The following P2RY6 variants were observed in gnomAD, a reference collection of about 807,000 sequenced individuals.
The protein encoded by P2RY6 is pyrimidinergic receptor P2Y6, also known as P2Y purinoceptor 6.
A neutral mutation model predicts 16.3 loss-of-function variants in P2RY6; 19 were observed. The observed-to-expected ratio is 1.16, with a 90% confidence interval of 0.81 to 1.71. P2RY6 has a LOEUF of 1.71. Ranked by LOEUF, P2RY6 falls within the 40% of genes most tolerant of loss-of-function variation. The pLI is 0.00. For synonymous variants in P2RY6, 184 were observed against 201.5 expected, an observed-to-expected ratio of 0.91 and a Z score of 0.74; for missense variants, 389 against 455.5, an observed-to-expected ratio of 0.85 and a Z score of 1.33.
Position 73,296,544 on chromosome 11 carries a change from AGGCTCTG to A in P2RY6, c.31_37del (p.Leu11CysfsTer31). On this transcript the variant is annotated frameshift_variant, in exon 3 of 3. Transcript: ENST00000540124. LOFTEE classifies it high-confidence loss of function. ...ATGGAATGGGACAATGGCACAGGCC[AGGCTCTG>A]GGCTTGCCACCCACCACCTGTGTCT... The A allele has an allele frequency of 6.2e-7, 1 of 1,614,114 alleles. No homozygotes were observed. Among genetic ancestry groups the A allele is most frequent in the South Asian group, 1.1e-5 (1 of 91,084 alleles).
intron 1 of P2RY6, among the ~76,000 whole-genome samples, chr11:73,274,490 T>C (rs369235156): frequency 0.014 from 1,944 of 143,838 alleles, 48 homozygotes; most frequent in African/African-American, 0.049. Flanking sequence ...TGCAGTGAGC[T>C]GAGATCATAC....
At chr11:73,277,973 G>GTT (rs869291683) in intron 1 of P2RY6, among the ~76,000 whole-genome samples, 2 of 141,154 alleles carry the variant, frequency 1.4e-5, no homozygotes, top group Non-Finnish European at 3.0e-5. Flanking sequence ...TCAAGGCTGA[G>GTT]TTTTGTTTGT....
At chr11:73,283,357 A>T (rs936630592) in intron 1 of P2RY6, among the ~76,000 whole-genome samples, 1 of 152,146 alleles carries the variant, frequency 6.6e-6, no homozygotes, top group African/African-American at 2.4e-5. Flanking sequence ...CATCCCAACC[A>T]GTCACCTCCC....
At position 73,296,741 on chromosome 11, in the gene P2RY6, T is replaced by C. The variant is rs1194195026; in HGVS notation, c.223T>C (p.Tyr75His). ...AAACCTTGCTCTGGCTGACCTGCTA[T>C]ATGCCTGCTCCCTGCCCCTGCTCAT... Reference protein sequence around the residue: ...TLNLALADLLYACSLPLLIYN... With the variant: ...TLNLALADLLHACSLPLLIYN... The change falls in exon 3 of 3, where the codon TAT becomes CAT. Residue 75 changes from tyrosine (Y) to histidine (H), a missense_variant. Transcript: ENST00000540124. 1 of 1,613,704 alleles carries C rather than the reference T, an allele frequency of 6.2e-7. No individual in the cohort carries two copies. Among genetic ancestry groups the C allele is most frequent in the Non-Finnish European group, 8.5e-7 (1 of 1,180,048 alleles).
Position 73,297,852 on chromosome 11 carries a change from G to A in P2RY6, c.*347G>A. 3.7e-6 allele frequency: 1 copy of A among 272,528 alleles called. No homozygotes were observed. 16.9% of individuals were successfully genotyped at this position (272,528 alleles called of 1,614,324 possible). ...TTGAGTCACCAATGAAGCGGGTGAGGGAAGATGAGAGGGGGAGGTGAGAGC... is the reference window on the plus strand; with the variant it reads ...TTGAGTCACCAATGAAGCGGGTGAGAGAAGATGAGAGGGGGAGGTGAGAGC... On this transcript the variant is annotated 3_prime_UTR_variant, in exon 3 of 3. Transcript: ENST00000540124.
At chr11:73,268,018 G>A (rs1863161537), upstream of P2RY6, among the ~76,000 whole-genome samples, 1 of 152,214 alleles carries the variant, frequency 6.6e-6, no homozygotes, top group Non-Finnish European at 1.5e-5. Flanking sequence ...GCTGGAAGTG[G>A]GTCCATGCAT....
Position 73,296,664 on chromosome 11 carries a change from C to T in P2RY6, c.146C>T (p.Thr49Ile), listed in dbSNP as rs750667998. 1 of 1,614,222 alleles carries T rather than the reference C, an allele frequency of 6.2e-7. No homozygotes were observed. The highest frequency in any genetic ancestry group is 8.5e-7 in the Non-Finnish European group (1 of 1,180,042). Reference protein sequence around the residue: ...AGLPLNICVITQICTSRRALT... With the variant: ...AGLPLNICVIIQICTSRRALT... ...CTGCCGCTGAACATCTGTGTCATTA[C>T]CCAGATCTGCACGTCCCGCCGGGCC... The change falls in exon 3 of 3, where the codon ACC (threonine) becomes ATC (isoleucine). Residue 49 changes from threonine (T) to isoleucine (I), a missense_variant. Thr to Ile is a moderately conservative substitution (Grantham distance 89). Coordinates refer to ENST00000540124, the MANE Select transcript of P2RY6 (RefSeq NM_001277204.2).
intron 1 of P2RY6, among the ~76,000 whole-genome samples, chr11:73,276,179 T>C (rs755731384): frequency 6.6e-6 from 1 of 152,172 alleles, no homozygotes; most frequent in Non-Finnish European, 1.5e-5. Flanking sequence ...ATGATACCAC[T>C]TTACACCCAT....
Position 73,297,192 on chromosome 11 carries a change from C to T in P2RY6, c.674C>T (p.Pro225Leu), listed in dbSNP as rs913720145. 3.1e-5 allele frequency: 50 copies of T among 1,603,554 alleles called. No individual in the cohort carries two copies. The highest frequency in any genetic ancestry group is 4.2e-5 in the Non-Finnish European group (49 of 1,179,592). ...TGCCGCCTGTGCCGCCAGGATGGCC[C>T]GGCAGAGCCTGTGGCCCAGGAGCGG... ...LACRLCRQDG[P>L]AEPVAQERRG... Residue 225 changes from proline (P) to leucine (L), a missense_variant, in exon 3 of 3, where the codon CCG becomes CTG. Pro to Leu is a moderately conservative substitution (Grantham distance 98). Coordinates refer to ENST00000540124, the MANE Select transcript of P2RY6 (RefSeq NM_001277204.2).
chr11:73,283,615 G>T (rs1287974075), intron 1 of P2RY6, among the ~76,000 whole-genome samples: 1 of 152,212 alleles, frequency 6.6e-6, no homozygotes, highest in Non-Finnish European at 1.5e-5. Context: ...TCAGACAGTT[G>T]CTGGCTCCTT....
upstream of P2RY6, among the ~76,000 whole-genome samples, chr11:73,267,509 G>A (rs1175354268): frequency 6.6e-6 from 1 of 152,120 alleles, no homozygotes; most frequent in African/African-American, 2.4e-5. Flanking sequence ...CCATCAAAAG[G>A]AAGGAGAGAG....
intron 1 of P2RY6, among the ~76,000 whole-genome samples, chr11:73,282,521 G>A (rs981713689): frequency 1.3e-5 from 2 of 152,176 alleles, no homozygotes; most frequent in Non-Finnish European, 2.9e-5. Flanking sequence ...ATCTCCAGCA[G>A]GTCTCTCTGC....
upstream of P2RY6, chr11:73,271,948 C>T (rs11235707): frequency 0.13 from 19,900 of 152,002 alleles, 1,351 homozygotes; most frequent in Non-Finnish European, 0.16. Flanking sequence ...TAATGGTTTC[C>T]TGCGGCAGCA....
chr11:73,273,896 G>C (rs1863422529), intron 1 of P2RY6, among the ~76,000 whole-genome samples: 1 of 152,120 alleles, frequency 6.6e-6, no homozygotes. Context: ...GAGTACAGTG[G>C]CACTGTCATT....
At chr11:73,281,275 C>T (rs1863751570) in intron 1 of P2RY6, among the ~76,000 whole-genome samples, 1 of 152,204 alleles carries the variant, frequency 6.6e-6, no homozygotes, top group African/African-American at 2.4e-5. Context: ...AGGTCAAGCA[C>T]AGACCAGACA....
chr11:73,295,407 T>A (rs1445573459), intron 1 of P2RY6, among the ~76,000 whole-genome samples: 1 of 152,196 alleles, frequency 6.6e-6, no homozygotes, highest in East Asian at 1.9e-4. Context: ...GCTCTGAAGT[T>A]GGTCATGTAA....
rs1864578154 is a variant in P2RY6 at position 73,297,867 on chromosome 11, G to A, written c.*362G>A. ...AGCGGGTGAGGGAAGATGAGAGGGG[G>A]AGGTGAGAGCTTCTGGGAAGGGGCA... On this transcript the variant is annotated 3_prime_UTR_variant, in exon 3 of 3. Coordinates refer to ENST00000540124, the MANE Select transcript of P2RY6 (RefSeq NM_001277204.2). The A allele has an allele frequency of 3.9e-6, 1 of 256,546 alleles. No individual in the cohort carries two copies. Among genetic ancestry groups the A allele is most frequent in the Admixed American group, 4.9e-5 (1 of 20,228 alleles). 15.9% of individuals were successfully genotyped at this position (256,546 alleles called of 1,614,324 possible).
chr11:73,283,224 G>A (rs1863833940), intron 1 of P2RY6, among the ~76,000 whole-genome samples: 1 of 152,094 alleles, frequency 6.6e-6, no homozygotes, highest in South Asian at 2.1e-4. Flanking sequence ...ATCCCCAGGG[G>A]CAGTAATCTG....
intron 1 of P2RY6, among the ~76,000 whole-genome samples, chr11:73,287,916 G>A (rs920958459): frequency 1.3e-5 from 2 of 152,188 alleles, no homozygotes; most frequent in African/African-American, 2.4e-5. Flanking sequence ...TCTGCTCACC[G>A]GGGGCTGCCC....
Sources: gnomAD v4.1 joint callset for allele counts (sites outside exome capture counted in the v4.1 genomes callset) on GRCh38, gnomAD v4.1.1 for gene constraint, MANE v1.5 for transcripts, NCBI Gene and HGNC (gene_info 2026-07-23, HGNC 2026-07-21) for gene names.